The following ZHX2 variants were observed in gnomAD, a reference collection of about 807,000 sequenced individuals.
ZHX2 encodes the protein zinc fingers and homeoboxes 2.
A neutral mutation model predicts 21.9 loss-of-function variants in ZHX2; 6 were observed. The observed-to-expected ratio is 0.27, with a 90% confidence interval of 0.15 to 0.54. The LOEUF (loss-of-function observed/expected upper bound fraction) is 0.54. Among genes scored for constraint, ZHX2 ranks in the 20% least tolerant of loss-of-function variants. The pLI, the probability that ZHX2 is intolerant of heterozygous loss-of-function variation, is 0.95. For missense variants in ZHX2, 908 were observed against 1,090.7 expected, an observed-to-expected ratio of 0.83 and a Z score of 2.36; for synonymous variants, 434 against 437.1, an observed-to-expected ratio of 0.99 and a Z score of 0.09.
At chr8:122,967,824 G>A (rs1813620704) in intron 3 of ZHX2, among the ~76,000 whole-genome samples, 1 of 152,202 alleles carries the variant, frequency 6.6e-6, no homozygotes, top group Non-Finnish European at 1.5e-5. Flanking sequence ...GTAGTAGAAG[G>A]GGATATAATT....
At chr8:122,925,970 C>T (rs761113278) in intron 2 of ZHX2, among the ~76,000 whole-genome samples, 7 of 152,036 alleles carry the variant, frequency 4.6e-5, no homozygotes, top group Non-Finnish European at 8.8e-5. Context: ...TTTCTGGTGA[C>T]GGCTTAAGTG....
chr8:122,853,711 C>T (rs542788519), intron 1 of ZHX2, among the ~76,000 whole-genome samples: 8 of 152,194 alleles, frequency 5.3e-5, no homozygotes, highest in East Asian at 1.9e-4. Context: ...TCTTCATGGA[C>T]GAGGACAAAC....
At position 122,869,338 on chromosome 8, in the gene ZHX2, G is replaced by C. The variant is rs980797373; in HGVS notation, c.-220+5799G>C. The stretch of plus-strand genomic sequence containing the variant: ...TCATCCTTTTTTGTTTTTTTTTTTT[G>C]TTTTTTGAGACAAAGTTTCGCTTTT... On this transcript the variant is annotated intron_variant, in intron 2 of 3. Coordinates refer to ENST00000314393, the MANE Select transcript of ZHX2 (RefSeq NM_014943.5). Among the ~76,000 whole-genome samples, 8 of 127,978 alleles carry C rather than the reference G, an allele frequency of 6.3e-5. 1 individual carries two copies. The South Asian group carries it at 7.6e-4, about 12-fold the overall frequency. 84.0% of individuals were successfully genotyped at this position (127,978 alleles called of 152,430 possible).
chr8:122,965,501 A>G (rs7017685), intron 3 of ZHX2, among the ~76,000 whole-genome samples: 110,530 of 152,056 alleles, frequency 0.73, 41,239 homozygotes, highest in African/African-American at 0.91. Flanking sequence ...ATTCCACTGT[A>G]GTCTGAGAGA....
intron 2 of ZHX2, among the ~76,000 whole-genome samples, chr8:122,888,373 A>G (rs1819892914): frequency 6.6e-6 from 1 of 152,308 alleles, no homozygotes; most frequent in Middle Eastern, 3.4e-3. Flanking sequence ...GGTAATTAGC[A>G]TATTCATCAC....
At chr8:122,898,289 G>C (rs1436577367) in intron 2 of ZHX2, among the ~76,000 whole-genome samples, 1 of 152,192 alleles carries the variant, frequency 6.6e-6, no homozygotes, top group East Asian at 1.9e-4. Context: ...GATGAGGAAA[G>C]AGTAGAAAAG....
chr8:122,888,742 C>G (rs991263768), intron 2 of ZHX2, among the ~76,000 whole-genome samples: 3 of 152,206 alleles, frequency 2.0e-5, no homozygotes, highest in Non-Finnish European at 4.4e-5. Context: ...CTCGGCCTCC[C>G]AAAGTGCTGG....
intron 2 of ZHX2, among the ~76,000 whole-genome samples, chr8:122,868,524 AC>A (rs1819352616): frequency 6.6e-6 from 1 of 151,484 alleles, no homozygotes; most frequent in African/African-American, 2.4e-5. Flanking sequence ...ACACGGTGAA[AC>A]CCCGTCTCTA....
At chr8:122,958,982 G>A (rs551358242) in intron 3 of ZHX2, among the ~76,000 whole-genome samples, 2 of 152,292 alleles carry the variant, frequency 1.3e-5, no homozygotes, top group South Asian at 4.1e-4. Context: ...GAAACCAGAG[G>A]AGCTAGGAGG....
At chr8:122,846,062 G>A (rs528277310) in intron 1 of ZHX2, among the ~76,000 whole-genome samples, 2 of 151,366 alleles carry the variant, frequency 1.3e-5, no homozygotes, top group East Asian at 1.9e-4. Context: ...GGCAGTGCCC[G>A]TGGAGGTAAA....
At chr8:122,847,442 C>G (rs954362258) in intron 1 of ZHX2, among the ~76,000 whole-genome samples, 4 of 152,208 alleles carry the variant, frequency 2.6e-5, no homozygotes, top group Admixed American at 6.5e-5. Context: ...TGGGAGCACC[C>G]CGGGCCCTGA....
intron 2 of ZHX2, among the ~76,000 whole-genome samples, chr8:122,864,015 A>T (rs1452196049): frequency 6.6e-6 from 1 of 151,816 alleles, no homozygotes; most frequent in Non-Finnish European, 1.5e-5. Flanking sequence ...GCAGCTGTTG[A>T]CTCCACCTAA....
At chr8:122,877,427 G>A (rs1213308522) in intron 2 of ZHX2, among the ~76,000 whole-genome samples, 5 of 152,142 alleles carry the variant, frequency 3.3e-5, no homozygotes, top group African/African-American at 1.2e-4. Flanking sequence ...TGTTGGAGTT[G>A]TACTACATCA....
intron 2 of ZHX2, among the ~76,000 whole-genome samples, chr8:122,889,956 C>T (rs1309462766): frequency 6.6e-6 from 1 of 152,092 alleles, no homozygotes; most frequent in Non-Finnish European, 1.5e-5. Context: ...TATGCAGAAA[C>T]TTTTTAGTTT....
intron 2 of ZHX2, among the ~76,000 whole-genome samples, chr8:122,924,182 G>A (rs532658244): frequency 3.9e-5 from 6 of 152,238 alleles, no homozygotes; most frequent in South Asian, 2.1e-4. Context: ...GAACTCCAAC[G>A]CTGAGGTCAA....
chr8:122,817,072 A>G (rs1301864015), intron 1 of ZHX2, among the ~76,000 whole-genome samples: 1 of 152,218 alleles, frequency 6.6e-6, no homozygotes, highest in Non-Finnish European at 1.5e-5. Context: ...ATTGGCCCAC[A>G]TCACTTCCAC....
intron 1 of ZHX2, among the ~76,000 whole-genome samples, chr8:122,843,959 T>TCACACACACACACACACACACACA (rs3221811): frequency 4.7e-5 from 7 of 148,936 alleles, no homozygotes; most frequent in African/African-American, 1.5e-4. Flanking sequence ...TTCTCACCCT[T>TCACACACACACACACACACACACA]CACACACACA....
At chr8:122,939,507 G>A (rs946162393) in intron 2 of ZHX2, among the ~76,000 whole-genome samples, 1 of 152,208 alleles carries the variant, frequency 6.6e-6, no homozygotes, top group Non-Finnish European at 1.5e-5. Context: ...CCCAGTGGAG[G>A]GAGACAGGAG....
In ZHX2 at chr8:122,951,909, T is replaced by C. The variant is rs1047169991; in HGVS notation, c.399T>C (p.His133=). ...DSLSDHNSKF[H]PGEANFKLKL... is the part of the protein sequence containing the mutation. ...TATCCGACCACAACTCCAAGTTCCA[T>C]CCCGGGGAGGCCAACTTCAAGCTGA... The change falls in exon 3 of 4, where the codon CAT becomes CAC. Residue 133 remains histidine (H), a synonymous_variant. Coordinates refer to ENST00000314393, the MANE Select transcript of ZHX2 (RefSeq NM_014943.5). The C allele has an allele frequency of 1.2e-6, 2 of 1,614,008 alleles. No individual in the cohort carries two copies. The highest frequency in any genetic ancestry group is 1.3e-5 in the African/African-American group (1 of 74,972).
Sources: gnomAD v4.1 joint callset for allele counts (sites outside exome capture counted in the v4.1 genomes callset) on GRCh38, gnomAD v4.1.1 for gene constraint, MANE v1.5 for transcripts, NCBI Gene and HGNC (gene_info 2026-07-23, HGNC 2026-07-21) for gene names.